UNC80: variants seen among roughly 807,000 people sequenced by gnomAD.
UNC80 encodes the protein unc-80 subunit of NALCN channel complex.
Under a neutral mutation model 384.6 loss-of-function variants are expected in UNC80, and 164 were observed. The ratio of observed to expected loss-of-function variants is 0.43; its 90% CI spans 0.38 to 0.49. UNC80 has a LOEUF of 0.49. Among genes scored for constraint, UNC80 ranks in the 20% least tolerant of loss-of-function variants. The pLI is 0.00. For synonymous variants in UNC80, 1,486 were observed against 1,527.8 expected (o/e 0.97, Z 0.64); for missense variants, 3,330 against 4,143.0 (o/e 0.80, Z 5.39).
chr2:209,796,851 AC>A (rs2078193544), intron 7 of UNC80, among the ~76,000 whole-genome samples: 1 of 152,134 alleles, frequency 6.6e-6, no homozygotes, highest in Admixed American at 6.5e-5. Flanking sequence ...CAGCGTGAAA[AC>A]GAACTAATAC....
At chr2:209,933,106 G>A (rs2091004761) in intron 38 of UNC80, among the ~76,000 whole-genome samples, 1 of 152,128 alleles carries the variant, frequency 6.6e-6, no homozygotes, top group Admixed American at 6.6e-5. Context: ...ATAATTGAAA[G>A]TTATTTCATC....
intron 16 of UNC80, among the ~76,000 whole-genome samples, chr2:209,832,370 T>C (rs1302144133): frequency 1.3e-5 from 2 of 151,754 alleles, no homozygotes; most frequent in Non-Finnish European, 2.9e-5. Flanking sequence ...GATACGAAAA[T>C]GTAGATTAAG....
At position 209,922,134 on chromosome 2, in the gene UNC80, A is replaced by G. The variant is rs917037682; in HGVS notation, c.5531-118A>G. ...TATTTTTCCTTTTCTAAGTACACTCAAAATTATTTAAGCCTTATGGTCTGA... is the reference window on the plus strand; with the variant it reads ...TATTTTTCCTTTTCTAAGTACACTCGAAATTATTTAAGCCTTATGGTCTGA... On this transcript the variant is annotated intron_variant, in intron 34 of 64. Coordinates refer to ENST00000673920, the MANE Select transcript of UNC80 (RefSeq NM_001371986.1). The G allele has an allele frequency of 3.9e-5, 47 of 1,204,600 alleles. No individual in the cohort carries two copies. The East Asian group carries it at 1.2e-3, about 31-fold the overall frequency. 74.6% of individuals were successfully genotyped at this position (1,204,600 alleles called of 1,614,324 possible).
intron 7 of UNC80, among the ~76,000 whole-genome samples, chr2:209,797,440 T>G (rs566468488): frequency 6.6e-6 from 1 of 152,202 alleles, no homozygotes; most frequent in Non-Finnish European, 1.5e-5. Context: ...TTTCTGTTCC[T>G]GTGTTAGTTT....
At chr2:209,925,500 G>A (rs762822741) in intron 35 of UNC80, among the ~76,000 whole-genome samples, 2 of 152,194 alleles carry the variant, frequency 1.3e-5, no homozygotes, top group Non-Finnish European at 2.9e-5. Flanking sequence ...GCGGGTTGCC[G>A]CTACTGGCTT....
At position 209,828,744 on chromosome 2, in the gene UNC80, T is replaced by A. The variant is rs542575060; in HGVS notation, c.2479-488T>A. On this transcript the variant is annotated intron_variant, in intron 14 of 64. Transcript: ENST00000673920. Reference sequence around the variant, plus strand: ...CTTCTTTCTTGATCCTTATCCCTTTTCCCCTCAACCCAGAGACTTCGGTCA... The same window carrying A: ...CTTCTTTCTTGATCCTTATCCCTTTACCCCTCAACCCAGAGACTTCGGTCA... Among the ~76,000 whole-genome samples, 5 of 152,188 alleles carry A rather than the reference T, an allele frequency of 3.3e-5. No homozygotes were observed. The South Asian group carries it at 1.0e-3, about 32-fold the overall frequency.
rs1473726405 is a variant in UNC80 at position 209,842,354 on chromosome 2, A to C, written c.3362A>C (p.Lys1121Thr). ...LSFIRQSSKV[K>T]FTSAVKLSEG... is the part of the protein sequence containing the mutation. The stretch of plus-strand genomic sequence containing the variant: ...CCTTTTTTTTTCTTTTTTCAGGTCA[A>C]ATTCACTAGTGCTGTGAAGCTTTCT... Residue 1121 changes from lysine to threonine, a missense_variant, in exon 21 of 65, where the codon AAA becomes ACA. Transcript: ENST00000673920. 1.3e-6 allele frequency: 2 copies of C among 1,547,988 alleles called. No individual in the cohort carries two copies. The highest frequency in any genetic ancestry group is 2.4e-5 in the South Asian group (2 of 83,362).
chr2:209,860,041 T>G (rs183792700), intron 22 of UNC80, among the ~76,000 whole-genome samples: 4 of 152,196 alleles, frequency 2.6e-5, no homozygotes, highest in Non-Finnish European at 4.4e-5. Context: ...ATATCCCATT[T>G]GTCGATTTTT....
intron 13 of UNC80, among the ~76,000 whole-genome samples, chr2:209,823,193 A>G (rs1270487622): frequency 4.6e-5 from 7 of 152,156 alleles, no homozygotes; most frequent in Admixed American, 2.0e-4. Flanking sequence ...AATATCTTCA[A>G]TTTTTTTGCC....
At chr2:209,966,015 T>C (rs1463287073) in intron 51 of UNC80, among the ~76,000 whole-genome samples, 6 of 152,114 alleles carry the variant, frequency 3.9e-5, no homozygotes, top group African/African-American at 1.2e-4. Flanking sequence ...AAACTTTCCA[T>C]GTATGGCTGC....
At chr2:209,807,908 T>C (rs1266160163) in intron 7 of UNC80, among the ~76,000 whole-genome samples, 1 of 152,236 alleles carries the variant, frequency 6.6e-6, no homozygotes, top group Non-Finnish European at 1.5e-5. Flanking sequence ...CTTAAATATT[T>C]GCTACTGAAC....
At chr2:209,935,868 A>T in intron 40 of UNC80, 60 bp downstream of exon 40, 1 of 1,019,378 alleles carries the variant, frequency 9.8e-7, no homozygotes, top group South Asian at 1.6e-5. Flanking sequence ...ACCTCACTGA[A>T]GATCCATTTT....
chr2:209,781,527 C>T (rs2077154813), intron 4 of UNC80, among the ~76,000 whole-genome samples: 1 of 151,380 alleles, frequency 6.6e-6, no homozygotes, highest in Non-Finnish European at 1.5e-5. Context: ...AAACTATCAT[C>T]ATGCCCTCTT....
At chr2:209,957,585 A>G in intron 48 of UNC80, 59 bp from the exon 49 acceptor site, 1 of 1,404,566 alleles carries the variant, frequency 7.1e-7, no homozygotes, top group South Asian at 1.3e-5. Context: ...GATTTAATAA[A>G]TGTTTCCATT....
intron 23 of UNC80, among the ~76,000 whole-genome samples, chr2:209,874,646 G>A (rs748030922): frequency 5.9e-5 from 9 of 152,078 alleles, no homozygotes; most frequent in Non-Finnish European, 1.2e-4. Context: ...CTCCTCCCTC[G>A]TCATAAACAG....
chr2:209,816,339 G>C (rs2079732072), intron 9 of UNC80, among the ~76,000 whole-genome samples: 1 of 152,192 alleles, frequency 6.6e-6, no homozygotes, highest in African/African-American at 2.4e-5. Flanking sequence ...AACTTGTTTG[G>C]TAGGAATGAT....
chr2:209,950,175 C>G (rs2092103848), intron 47 of UNC80, among the ~76,000 whole-genome samples: 1 of 152,114 alleles, frequency 6.6e-6, no homozygotes, highest in South Asian at 2.1e-4. Flanking sequence ...AGAATTTATA[C>G]ACAAAACTGT....
rs902245372 is a variant in UNC80 at position 209,772,001 on chromosome 2, G to C, written c.-72G>C. On this transcript the variant is annotated 5_prime_UTR_variant, in exon 1 of 65. Transcript: ENST00000673920. ...AGGGGATGAGAGTTGGGAGCAGCGG[G>C]AGGAGGCGGCGGCGGCGGCTAGCGA... is the stretch of plus-strand genomic sequence containing the variant. The C allele has an allele frequency of 4.5e-6, 5 of 1,119,780 alleles. No homozygotes were observed. In the Admixed American group the frequency reaches 6.0e-5, roughly 13 times the overall value. 69.4% of individuals were successfully genotyped at this position (1,119,780 alleles called of 1,614,324 possible).
chr2:209,945,411 T>G (rs1254559697), intron 46 of UNC80, among the ~76,000 whole-genome samples: 1 of 152,178 alleles, frequency 6.6e-6, no homozygotes, highest in Non-Finnish European at 1.5e-5. Context: ...CCATGAAAAC[T>G]ATATTAAAAT....
Sources: allele counts gnomAD v4.1 joint callset (sites outside exome capture counted in the v4.1 genomes callset), GRCh38; gene constraint gnomAD v4.1.1; transcripts MANE v1.5; gene names NCBI Gene and HGNC (gene_info 2026-07-23, HGNC 2026-07-21).